The following TANGO2 variants were observed in gnomAD, a reference collection of about 807,000 sequenced individuals.
TANGO2 encodes the protein transport and golgi organization 2 homolog.
TANGO2 carries 26 observed loss-of-function variants against 39.1 expected under a neutral mutation model. The ratio of observed to expected loss-of-function variants is 0.67; its 90% CI spans 0.49 to 0.92. The LOEUF (loss-of-function observed/expected upper bound fraction) is 0.92. Among genes scored for constraint, TANGO2 ranks in the 40% least tolerant of loss-of-function variants. The pLI is 0.00. For missense variants in TANGO2, 326 were observed against 360.1 expected, an observed-to-expected ratio of 0.91 and a Z score of 0.77; for synonymous variants, 131 against 144.5, an observed-to-expected ratio of 0.91 and a Z score of 0.67.
chr22:20,058,519 A>G (rs8140658), intron 6 of TANGO2: 17,645 of 152,102 alleles, frequency 0.12, 1,288 homozygotes, highest in South Asian at 0.17. Flanking sequence ...GCAGGTGCCT[A>G]TAGTCCCAGC....
chr22:20,022,127 A>G (rs1286955976), intron 1 of TANGO2, among the ~76,000 whole-genome samples: 4 of 152,236 alleles, frequency 2.6e-5, no homozygotes, highest in South Asian at 2.1e-4. Flanking sequence ...ACGCTAGCTC[A>G]TTTGCCTCTG....
upstream of TANGO2, among the ~76,000 whole-genome samples, chr22:20,019,868 G>T (rs1198430227): frequency 6.6e-6 from 1 of 152,254 alleles, no homozygotes; most frequent in Non-Finnish European, 1.5e-5. Context: ...GGCTGGGTCT[G>T]CGGCCCGCTG....
upstream of TANGO2, among the ~76,000 whole-genome samples, chr22:20,018,517 C>T (rs3788322): frequency 0.4 from 60,468 of 152,032 alleles, 12,578 homozygotes; most frequent in African/African-American, 0.53. Flanking sequence ...AGTCCTGCAC[C>T]ACCCCCTCCC....
chr22:20,025,344 C>T (rs1281992023), intron 1 of TANGO2, among the ~76,000 whole-genome samples: 2 of 151,912 alleles, frequency 1.3e-5, no homozygotes, highest in South Asian at 2.1e-4. Flanking sequence ...CCACCCACCT[C>T]GGCCTCCCAA....
chr22:20,033,438 G>A (rs757930014), intron 1 of TANGO2, among the ~76,000 whole-genome samples: 38 of 152,242 alleles, frequency 2.5e-4, no homozygotes, highest in Non-Finnish European at 2.5e-4. Flanking sequence ...TCTGTCCTAC[G>A]TGTATCAGTG....
At chr22:20,052,925 C>A (rs1367069485) in intron 4 of TANGO2, among the ~76,000 whole-genome samples, 3 of 152,108 alleles carry the variant, frequency 2.0e-5, no homozygotes, top group African/African-American at 7.2e-5. Context: ...GGGTATGCGG[C>A]AGAGACAGGA....
intron 3 of TANGO2, 54 bp downstream of exon 3, chr22:20,043,497 C>T (rs2044397358): frequency 7.7e-7 from 1 of 1,306,256 alleles, no homozygotes; most frequent in Non-Finnish European, 1.1e-6. Context: ...TCCCTAGCCC[C>T]TGCGTGGCCC....
chr22:20,045,790 A>G (rs948399982), intron 3 of TANGO2, among the ~76,000 whole-genome samples: 2 of 152,040 alleles, frequency 1.3e-5, no homozygotes, highest in African/African-American at 4.8e-5. Flanking sequence ...AGCATGAGCC[A>G]TTGCACCCAG....
At chr22:20,045,231 C>T (rs910562524) in intron 3 of TANGO2, among the ~76,000 whole-genome samples, 1 of 149,066 alleles carries the variant, frequency 6.7e-6, no homozygotes. Context: ...AGGCCAGGAG[C>T]TTGAGACCGG....
chr22:20,030,567 G>A lies in TANGO2; in HGVS notation c.-39-6193G>A, dbSNP rs553772575. Among the ~76,000 whole-genome samples, 8 of 152,032 alleles carry A rather than the reference G, an allele frequency of 5.3e-5. No individual in the cohort carries two copies. In the East Asian group the frequency reaches 9.7e-4, roughly 19 times the overall value. On this transcript the variant is annotated intron_variant, in intron 1 of 8. Transcript: ENST00000327374. ...TCACCATATTGGCCAGGCTGGTCTCGAACTCTTGACCTCGTGATCCACCCA... is the reference window on the plus strand; with the variant it reads ...TCACCATATTGGCCAGGCTGGTCTCAAACTCTTGACCTCGTGATCCACCCA...
At chr22:20,032,765 G>T (rs1199952349) in intron 1 of TANGO2, among the ~76,000 whole-genome samples, 2 of 152,240 alleles carry the variant, frequency 1.3e-5, no homozygotes, top group East Asian at 3.9e-4. Context: ...CACAAGAGAT[G>T]CCCTGAGGAG....
At chr22:20,064,366 A>T (rs1419395526) in intron 8 of TANGO2, among the ~76,000 whole-genome samples, 176 bp from the exon 9 acceptor site, 2 of 152,160 alleles carry the variant, frequency 1.3e-5, no homozygotes, top group Non-Finnish European at 2.9e-5. Flanking sequence ...CTCACACGCC[A>T]CTGATGGCCC....
chr22:20,036,941 G>A (rs1355162672), intron 2 of TANGO2, 87 bp downstream of exon 2: 2 of 1,613,878 alleles, frequency 1.2e-6, no homozygotes, highest in South Asian at 1.1e-5. Flanking sequence ...CTGTGTGCAG[G>A]AAGGTGTGTG....
At chr22:20,028,887 C>T (rs2041302287) in intron 1 of TANGO2, among the ~76,000 whole-genome samples, 2 of 152,212 alleles carry the variant, frequency 1.3e-5, no homozygotes. Flanking sequence ...TTACTGCCCA[C>T]CCTCCACCCC....
upstream of TANGO2, among the ~76,000 whole-genome samples, chr22:20,018,788 C>G (rs1945384932): frequency 6.6e-6 from 1 of 152,152 alleles, no homozygotes; most frequent in Non-Finnish European, 1.5e-5. Flanking sequence ...GTCAGAAACA[C>G]AACAAGGGAG....
At chr22:20,055,227 G>A (rs1350291569) in intron 5 of TANGO2, 1 of 152,448 alleles carries the variant, frequency 6.6e-6, no homozygotes, top group Non-Finnish European at 1.5e-5. Flanking sequence ...AAGACTTACT[G>A]TGGTATTGAG....
chr22:20,030,440 G>A (rs1393364354), intron 1 of TANGO2, among the ~76,000 whole-genome samples: 1 of 152,030 alleles, frequency 6.6e-6, no homozygotes, highest in Non-Finnish European at 1.5e-5. Flanking sequence ...TCTGCCTCCT[G>A]GGTTCAAGCA....
chr22:20,050,780 T>C (rs926056622), intron 3 of TANGO2, among the ~76,000 whole-genome samples: 2 of 151,932 alleles, frequency 1.3e-5, no homozygotes, highest in African/African-American at 4.8e-5. Flanking sequence ...ACATCGGTTT[T>C]GGTATTCCTT....
At chr22:20,026,210 C>T (rs1452863003) in intron 1 of TANGO2, among the ~76,000 whole-genome samples, 1 of 152,200 alleles carries the variant, frequency 6.6e-6, no homozygotes, top group Non-Finnish European at 1.5e-5. Flanking sequence ...CCAGCCTGAC[C>T]AACATGGTGA....
Sources: gnomAD v4.1 joint callset for allele counts (sites outside exome capture counted in the v4.1 genomes callset) on GRCh38, gnomAD v4.1.1 for gene constraint, MANE v1.5 for transcripts, NCBI Gene and HGNC (gene_info 2026-07-23, HGNC 2026-07-21) for gene names.